The following IL22RA2 variants were observed in gnomAD, a reference collection of about 807,000 sequenced individuals.
IL22RA2 encodes the protein interleukin 22 receptor subunit alpha 2.
IL22RA2 carries 39 observed loss-of-function variants against 30.7 expected under a neutral mutation model. That is an observed-to-expected ratio of 1.27 (90% CI 0.98 to 1.66). The LOEUF (loss-of-function observed/expected upper bound fraction) is 1.66. Among genes scored for constraint, IL22RA2 ranks in the 40% most tolerant of loss-of-function variants. The probability of loss-of-function intolerance (pLI) is 0.00; values close to 1 mark genes in which losing one functional copy is unlikely to be tolerated. For synonymous variants in IL22RA2, 103 were observed against 105.0 expected (o/e 0.98, Z 0.11); for missense variants, 315 against 312.7 (o/e 1.01, Z -0.05).
At chr6:137,158,972 T>C (rs1778465968) in intron 2 of IL22RA2, among the ~76,000 whole-genome samples, 1 of 152,194 alleles carries the variant, frequency 6.6e-6, no homozygotes. Context: ...TGGGTCCTGC[T>C]TCCAGGTAGG....
intron 1 of IL22RA2, among the ~76,000 whole-genome samples, chr6:137,167,328 A>C (rs1778645154): frequency 6.6e-6 from 1 of 152,222 alleles, no homozygotes; most frequent in Admixed American, 6.5e-5. Context: ...TCCTTCTCTG[A>C]GTCAGGTGCA....
Position 137,163,314 on chromosome 6 carries a change from G to A in IL22RA2, c.-65-1500C>T, listed in dbSNP as rs552636482. On this transcript the variant is annotated intron_variant, in intron 1 of 6. Coordinates refer to ENST00000296980, the MANE Select transcript of IL22RA2 (RefSeq NM_052962.3). Reference sequence around the variant, plus strand: ...ATGTGCTACTGATCACCTTAATTTAGTAAACTCTCCTGAACCTTTTTCGGT... The same window carrying A: ...ATGTGCTACTGATCACCTTAATTTAATAAACTCTCCTGAACCTTTTTCGGT... Among the ~76,000 whole-genome samples, 6 of 152,292 alleles carry A rather than the reference G, an allele frequency of 3.9e-5. No individual in the cohort carries two copies. In the East Asian group the frequency reaches 1.2e-3, roughly 29 times the overall value.
chr6:137,159,590 T>C (rs1449649626), intron 2 of IL22RA2, among the ~76,000 whole-genome samples: 1 of 152,202 alleles, frequency 6.6e-6, no homozygotes, highest in East Asian at 1.9e-4. Context: ...CCCAAAGTGC[T>C]GGGATTACAG....
chr6:137,146,110 CA>C (rs1220150890), intron 6 of IL22RA2, among the ~76,000 whole-genome samples: 2 of 152,218 alleles, frequency 1.3e-5, no homozygotes, highest in Admixed American at 1.3e-4. Flanking sequence ...CGGCTCACTG[CA>C]ACCTCTGCCT....
intron 5 of IL22RA2, among the ~76,000 whole-genome samples, chr6:137,148,760 A>C (rs1245441148): frequency 6.6e-6 from 1 of 152,184 alleles, no homozygotes; most frequent in Non-Finnish European, 1.5e-5. Flanking sequence ...CTTTCCAACT[A>C]TATTGGAATA....
At chr6:137,163,858 G>T (rs1340304574) in intron 1 of IL22RA2, among the ~76,000 whole-genome samples, 1 of 152,190 alleles carries the variant, frequency 6.6e-6, no homozygotes, top group Non-Finnish European at 1.5e-5. Flanking sequence ...GACCAAGGCG[G>T]GGTTGATGTG....
chr6:137,162,336 A>T (rs1484380084), intron 1 of IL22RA2, among the ~76,000 whole-genome samples: 1 of 152,028 alleles, frequency 6.6e-6, no homozygotes, highest in Admixed American at 6.5e-5. Flanking sequence ...ATACCCTTCC[A>T]CTGCATCTGG....
chr6:137,145,653 T>G lies in IL22RA2; in HGVS notation c.763A>C (p.Ser255Arg). 1 of 1,611,222 alleles carries G rather than the reference T, an allele frequency of 6.2e-7. No homozygotes were observed. Among genetic ancestry groups the G allele is most frequent in the Non-Finnish European group, 8.5e-7 (1 of 1,178,782 alleles). The change falls in exon 7 of 7, where the codon AGT (serine) becomes CGT (arginine). Residue 255 changes from serine (S) to arginine (R), a missense_variant. Physicochemically the swap from Ser to Arg is moderately radical, Grantham distance 110. Coordinates refer to ENST00000296980, the MANE Select transcript of IL22RA2 (RefSeq NM_052962.3). Reference sequence around the variant, plus strand: ...GGAATTTCCACACATCTCTCTTCACTTCTCTGACTTCTTCTGTCTAACATG... The same window carrying G: ...GGAATTTCCACACATCTCTCTTCACGTCTCTGACTTCTTCTGTCTAACATG... ...QPMLDRRSQRSEERCVEIP is the reference protein window; with the variant it reads ...QPMLDRRSQRREERCVEIP
At chr6:137,157,331 A>G (rs913309069) in intron 3 of IL22RA2, among the ~76,000 whole-genome samples, 3 of 152,190 alleles carry the variant, frequency 2.0e-5, no homozygotes, top group African/African-American at 7.2e-5. Flanking sequence ...TACTTTCTGC[A>G]TGCTGAAAGT....
At chr6:137,146,072 T>C (rs1194066084) in intron 6 of IL22RA2, among the ~76,000 whole-genome samples, 2 of 152,154 alleles carry the variant, frequency 1.3e-5, no homozygotes, top group Non-Finnish European at 2.9e-5. Context: ...CACTCCATCA[T>C]CCAGCCTGGA....
chr6:137,154,838 T>C (rs774143297), intron 5 of IL22RA2, 103 bp downstream of exon 5: 4 of 879,944 alleles, frequency 4.5e-6, no homozygotes, highest in Admixed American at 2.0e-5. Context: ...GAGATAATGA[T>C]GTAGAGACCT....
At chr6:137,171,133 C>A (rs1265984128) in intron 1 of IL22RA2, among the ~76,000 whole-genome samples, 2 of 152,178 alleles carry the variant, frequency 1.3e-5, no homozygotes, top group African/African-American at 2.4e-5. Context: ...TCCATCCATG[C>A]AGCTATCCAA....
chr6:137,145,697 A>G lies in IL22RA2; in HGVS notation c.719T>C (p.Val240Ala), dbSNP rs1226168753. 6.2e-7 allele frequency: 1 copy of G among 1,613,564 alleles called. No individual in the cohort carries two copies. Among genetic ancestry groups the G allele is most frequent in the Admixed American group, 1.7e-5 (1 of 59,990 alleles). Residue 240 changes from valine (V) to alanine (A), a missense_variant, in exon 7 of 7, where the codon GTG becomes GCG. Coordinates refer to ENST00000296980, the MANE Select transcript of IL22RA2 (RefSeq NM_052962.3). ...TAACATGGGCTGATATATTTCAGCCACTACACAGTAGCTGGAGTGTGGTGT... is the reference window on the plus strand; with the variant it reads ...TAACATGGGCTGATATATTTCAGCCGCTACACAGTAGCTGGAGTGTGGTGT... ...ALTPHSSYCV[V>A]AEIYQPMLDR...
chr6:137,150,446 G>T (rs1362803839), intron 5 of IL22RA2, among the ~76,000 whole-genome samples: 2 of 146,406 alleles, frequency 1.4e-5, no homozygotes, highest in Admixed American at 6.8e-5. Flanking sequence ...TAAAGGACCT[G>T]GTCTAAAGCT....
rs1252085909 is a variant in IL22RA2, at chr6:137,155,122, G to A, written c.294-3C>T. On this transcript the variant is annotated splice_polypyrimidine_tract_variant and splice_region_variant and intron_variant, in intron 4 of 6. Transcript: ENST00000296980. ...TTTTCCATTGTCTCTGTCCATATCTGTAGCAGGGAAAAGGCAAAGATCTGA... is the reference window on the plus strand; with the variant it reads ...TTTTCCATTGTCTCTGTCCATATCTATAGCAGGGAAAAGGCAAAGATCTGA... The A allele has an allele frequency of 1.2e-5, 18 of 1,526,852 alleles. No homozygotes were observed. The highest frequency in any genetic ancestry group is 1.6e-5 in the Non-Finnish European group (18 of 1,137,068). 94.6% of individuals were successfully genotyped at this position (1,526,852 alleles called of 1,614,324 possible).
At chr6:137,150,627 T>G (rs1412874486) in intron 5 of IL22RA2, among the ~76,000 whole-genome samples, 1 of 152,102 alleles carries the variant, frequency 6.6e-6, no homozygotes, top group Non-Finnish European at 1.5e-5. Context: ...CTGACTGGCC[T>G]AATGGCTTAG....
intron 4 of IL22RA2, 57 bp from the exon 5 acceptor site, chr6:137,155,176 AGTATT>A (rs1417140884): frequency 7.7e-7 from 1 of 1,296,130 alleles, no homozygotes; most frequent in African/African-American, 1.5e-5. Context: ...AGGAGTCTTC[AGTATT>A]TTCAGACTAA....
At chr6:137,159,474 C>T (rs541928345) in intron 2 of IL22RA2, among the ~76,000 whole-genome samples, 8 of 152,132 alleles carry the variant, frequency 5.3e-5, no homozygotes, top group Admixed American at 1.3e-4. Context: ...GTGCCCGCCA[C>T]CATGCCTGGC....
At position 137,145,566 on chromosome 6, in the gene IL22RA2, C is replaced by T; in HGVS notation, c.*58G>A. 1 of 1,487,500 alleles carries T rather than the reference C, an allele frequency of 6.7e-7. No individual in the cohort carries two copies. Among genetic ancestry groups the T allele is most frequent in the Non-Finnish European group, 9.1e-7 (1 of 1,096,134 alleles). 92.1% of individuals were successfully genotyped at this position (1,487,500 alleles called of 1,614,324 possible). On this transcript the variant is annotated 3_prime_UTR_variant, in exon 7 of 7. Coordinates refer to ENST00000296980, the MANE Select transcript of IL22RA2 (RefSeq NM_052962.3). ...TAAATAAGATCCTTCAAACACGAGT[C>T]ATCCTGTTCTCAGGGAGCTTTAGAA...
Sources: gnomAD v4.1 joint callset for allele counts (sites outside exome capture counted in the v4.1 genomes callset) on GRCh38, gnomAD v4.1.1 for gene constraint, MANE v1.5 for transcripts, NCBI Gene and HGNC (gene_info 2026-07-23, HGNC 2026-07-21) for gene names.